TPGS2: variants seen among roughly 807,000 people sequenced by gnomAD.
TPGS2 encodes tubulin polyglutamylase complex subunit 2.
TPGS2 carries 26 observed loss-of-function variants against 31.1 expected under a neutral mutation model. That is an observed-to-expected ratio of 0.84 (90% CI 0.61 to 1.16). The LOEUF (loss-of-function observed/expected upper bound fraction) is 1.16, where lower values mean the gene tolerates loss of function less well. Ranked by LOEUF, TPGS2 falls within the 50% of genes most tolerant of loss-of-function variation. The pLI is 0.00. For synonymous variants in TPGS2, 130 were observed against 136.6 expected, an observed-to-expected ratio of 0.95 and a Z score of 0.34; for missense variants, 351 against 363.8, an observed-to-expected ratio of 0.96 and a Z score of 0.29.
At position 36,807,829 on chromosome 18, in the gene TPGS2, AC is replaced by A; in HGVS notation, c.253+17del. On this transcript the variant is annotated intron_variant, in intron 3 of 6. Transcript: ENST00000334295. ...CTCTCAGCCAGGGAAATGTTCTCCTACAAGGAGGCTGACTCACCATCCAGCT... is the reference window on the plus strand; with the variant it reads ...CTCTCAGCCAGGGAAATGTTCTCCTAAAGGAGGCTGACTCACCATCCAGCT... 1 of 1,612,148 alleles carries A rather than the reference AC, an allele frequency of 6.2e-7. No homozygotes were observed. Among genetic ancestry groups the A allele is most frequent in the Non-Finnish European group, 8.5e-7 (1 of 1,178,356 alleles).
chr18:36,825,149 C>T (rs62083206), intron 1 of TPGS2, among the ~76,000 whole-genome samples: 5,785 of 152,128 alleles, frequency 0.038, 162 homozygotes, highest in Non-Finnish European at 0.056. Flanking sequence ...ATCAATGAAT[C>T]AGGCCGGGCA....
At position 36,796,902 on chromosome 18, in the gene TPGS2, G is replaced by A. The variant is rs779414704; in HGVS notation, c.806C>T (p.Pro269Leu). 1 of 1,611,588 alleles carries A rather than the reference G, an allele frequency of 6.2e-7. No individual in the cohort carries two copies. The highest frequency in any genetic ancestry group is 1.7e-5 in the Admixed American group (1 of 59,512). The change falls in exon 7 of 7, where the codon CCT becomes CTT. Residue 269 changes from proline (P) to leucine (L), a missense_variant. By Grantham distance (98) the Pro-to-Leu change is moderately conservative. Transcript: ENST00000334295. The part of the protein sequence containing the change: ...VIPKKKGPVQ[P>L]AGGQKGPSGP... ...TGAGGGCCCTTTCTGGCCACCTGCA[G>A]GCTGCACAGGCCCTTTCTTTTTTGG...
At chr18:36,790,870 C>T (rs1182519821), downstream of TPGS2, among the ~76,000 whole-genome samples, 1 of 152,206 alleles carries the variant, frequency 6.6e-6, no homozygotes, top group Admixed American at 6.5e-5. Flanking sequence ...ATTAATATTT[C>T]ATGGGGTTCC....
In TPGS2 at chr18:36,795,805, C is replaced by T. The variant is rs2044500300; in HGVS notation, c.*1000G>A. 2.0e-6 allele frequency: 2 copies of T among 985,390 alleles called. No homozygotes were observed. The highest frequency in any genetic ancestry group is 2.4e-6 in the Non-Finnish European group (2 of 829,942). 61.0% of individuals were successfully genotyped at this position (985,390 alleles called of 1,614,324 possible). A position where few individuals can be genotyped will look rare whatever the true frequency, so the allele number is the denominator to read the frequency against. On this transcript the variant is annotated 3_prime_UTR_variant, in exon 7 of 7. Coordinates refer to ENST00000334295, the MANE Select transcript of TPGS2 (RefSeq NM_015476.4). ...GCTTGTCCTAAGGATGGCCAGGGAC[C>T]AGGCAAAGTGAGGCTGGACAACTCA...
chr18:36,798,555 A>C lies in TPGS2; in HGVS notation c.551T>G (p.Phe184Cys), dbSNP rs1366965633. 1 of 1,614,106 alleles carries C rather than the reference A, an allele frequency of 6.2e-7. No homozygotes were observed. The highest frequency in any genetic ancestry group is 8.5e-7 in the Non-Finnish European group (1 of 1,180,056). The change falls in exon 6 of 7, where the codon TTT (phenylalanine) becomes TGT (cysteine). Residue 184 changes from phenylalanine (F) to cysteine (C), a missense_variant. Coordinates refer to ENST00000334295, the MANE Select transcript of TPGS2 (RefSeq NM_015476.4). ...WFLDRALYWH[F>C]LTDTFTAYYR... ...ATAGGCAGTAAAGGTGTCTGTGAGA[A>C]AATGCCAGTATAACGCTCTGTCCAG...
At chr18:36,828,162 C>G (rs2046272981) in intron 1 of TPGS2, among the ~76,000 whole-genome samples, 1 of 151,994 alleles carries the variant, frequency 6.6e-6, no homozygotes, top group African/African-American at 2.4e-5. Context: ...GAGCAAAACT[C>G]TGTCTCAAAA....
intron 6 of TPGS2, chr18:36,786,852 C>T: frequency 8.1e-7 from 1 of 1,234,306 alleles, no homozygotes; most frequent in Non-Finnish European, 1.0e-6. Context: ...TGAAAAATAG[C>T]ACATTCTTGC....
Position 36,823,020 on chromosome 18 carries a change from T to C in TPGS2, c.86-4047A>G, listed in dbSNP as rs1025373499. Among the ~76,000 whole-genome samples, 4 of 152,258 alleles carry C rather than the reference T, an allele frequency of 2.6e-5. No individual in the cohort carries two copies. The East Asian group carries it at 7.7e-4, about 29-fold the overall frequency. On this transcript the variant is annotated intron_variant, in intron 1 of 6. Coordinates refer to ENST00000334295, the MANE Select transcript of TPGS2 (RefSeq NM_015476.4). The stretch of plus-strand genomic sequence containing the variant: ...TTTGACGTGCATAGCATTTGCTCTT[T>C]TCTTTCAAACATTTGGGGGAATGTT...
chr18:36,818,643 T>A, intron 2 of TPGS2: 1 of 416,704 alleles, frequency 2.4e-6, no homozygotes, highest in Non-Finnish European at 4.3e-6. Flanking sequence ...TTAGCTTTGT[T>A]GTACACAACT....
chr18:36,804,230 C>G (rs1490115078), intron 4 of TPGS2, among the ~76,000 whole-genome samples: 1 of 152,150 alleles, frequency 6.6e-6, no homozygotes, highest in Non-Finnish European at 1.5e-5. Context: ...CTTAGGTATA[C>G]TTGTTGTACT....
At chr18:36,807,102 GACTGGAGGGGAGGA>G (rs149006065) in intron 3 of TPGS2, among the ~76,000 whole-genome samples, 6,116 of 152,044 alleles carry the variant, frequency 0.04, 157 homozygotes, top group Middle Eastern at 0.1. Context: ...GACAATAATG[GACTGGAGGGGAGGA>G]ACTGGAGGGG....
intron 4 of TPGS2, 105 bp from the exon 5 acceptor site, chr18:36,800,416 T>C (rs2044749640): frequency 1.1e-6 from 1 of 887,354 alleles, no homozygotes; most frequent in Admixed American, 2.0e-5. Context: ...AAAAGCCTTA[T>C]CTCAGACATA....
chr18:36,807,641 G>A (rs1019394405), intron 3 of TPGS2: 1 of 591,788 alleles, frequency 1.7e-6, no homozygotes. Flanking sequence ...GTTCCATACT[G>A]CTAGACTGTC....
rs774959692 is a variant in TPGS2 at position 36,798,492 on chromosome 18, C to G, written c.614G>C (p.Trp205Ser). Residue 205 changes from tryptophan (W) to serine (S), a missense_variant, in exon 6 of 7, where the codon TGG (tryptophan) becomes TCG (serine). Trp to Ser is a radical substitution (Grantham distance 177). Coordinates refer to ENST00000334295, the MANE Select transcript of TPGS2 (RefSeq NM_015476.4). ...LLITHLGLPQWQYAFTSYGIS... is the reference protein window; with the variant it reads ...LLITHLGLPQSQYAFTSYGIS... ...GCCATAGCTGGTGAAGGCATATTGC[C>G]ACTGGGGCAGGCCCAGGTGGGTGAT... 1.7e-5 allele frequency: 28 copies of G among 1,614,086 alleles called. No homozygotes were observed. The highest frequency in any genetic ancestry group is 2.4e-5 in the Non-Finnish European group (28 of 1,180,042).
At chr18:36,793,403 G>A (rs1166229070), downstream of TPGS2, among the ~76,000 whole-genome samples, 2 of 152,196 alleles carry the variant, frequency 1.3e-5, no homozygotes, top group East Asian at 1.9e-4. Flanking sequence ...GGGGGATGCT[G>A]AGAGCCCCAA....
At chr18:36,793,506 G>A (rs960212876), downstream of TPGS2, among the ~76,000 whole-genome samples, 1 of 152,162 alleles carries the variant, frequency 6.6e-6, no homozygotes, top group African/African-American at 2.4e-5. Flanking sequence ...TGTCATTCAT[G>A]AAGGAGCCCT....
intron 6 of TPGS2, among the ~76,000 whole-genome samples, chr18:36,783,407 G>A (rs1281967678): frequency 2.0e-5 from 3 of 152,194 alleles, no homozygotes; most frequent in Non-Finnish European, 2.9e-5. Context: ...TTATGTCCTA[G>A]TATGTATTGA....
Position 36,795,635 on chromosome 18 carries a change from T to A in TPGS2, c.*1170A>T. The A allele has an allele frequency of 6.1e-6, 6 of 985,462 alleles. No individual in the cohort carries two copies. The highest frequency in any genetic ancestry group is 7.2e-6 in the Non-Finnish European group (6 of 829,932). 61.0% of individuals were successfully genotyped at this position (985,462 alleles called of 1,614,324 possible). On this transcript the variant is annotated 3_prime_UTR_variant, in exon 7 of 7. Coordinates refer to ENST00000334295, the MANE Select transcript of TPGS2 (RefSeq NM_015476.4). Reference sequence around the variant, plus strand: ...TAAAAATTTCATTAAATGTAGTAGGTATGTCAGATTTATCTTGTGTCAAAT... The same window carrying A: ...TAAAAATTTCATTAAATGTAGTAGGAATGTCAGATTTATCTTGTGTCAAAT...
At chr18:36,797,081 A>G (rs561958355) in intron 6 of TPGS2, 31 bp from the exon 7 acceptor site, 1 of 1,595,896 alleles carries the variant, frequency 6.3e-7, no homozygotes, top group African/African-American at 1.4e-5. Flanking sequence ...ACAAGGTCAC[A>G]ATTCAAAGGA....
Sources: allele counts gnomAD v4.1 joint callset (sites outside exome capture counted in the v4.1 genomes callset), GRCh38; gene constraint gnomAD v4.1.1; transcripts MANE v1.5; gene names NCBI Gene and HGNC (gene_info 2026-07-23, HGNC 2026-07-21).